Variants in ABLIM2 observed in about 807,000 individuals in gnomAD.
ABLIM2 encodes the protein actin binding LIM protein family member 2.
A neutral mutation model predicts 97.7 loss-of-function variants in ABLIM2; 53 were observed. That is an observed-to-expected ratio of 0.54 (90% confidence interval 0.44 to 0.68). The LOEUF is 0.68. Among genes scored for constraint, ABLIM2 ranks in the 30% least tolerant of loss-of-function variants. ABLIM2 has a pLI of 0.00. For synonymous variants in ABLIM2, 361 were observed against 345.8 expected (o/e 1.04, Z -0.49); for missense variants, 835 against 867.2 (o/e 0.96, Z 0.47).
chr4:8,061,996 G>T lies in ABLIM2; in HGVS notation c.676-942C>A, dbSNP rs756254201. ...GCTTTTCTCCTGCGCAGAGCCTGGT[G>T]TGGCCTCCTCTGCCAACCTCCGGGC... On this transcript the variant is annotated intron_variant, in intron 6 of 20. Coordinates refer to ENST00000447017, the MANE Select transcript of ABLIM2 (RefSeq NM_001130083.2). This position sits in a 1 kb window ranked among gnomAD's most constrained non-coding sequence, Gnocchi z 4.5. Among the ~76,000 whole-genome samples the T allele has an allele frequency of 1.1e-4, 16 of 151,984 alleles. No individual in the cohort carries two copies. The highest frequency in any genetic ancestry group is 2.4e-4 in the Non-Finnish European group (16 of 67,924).
rs1712169636 is a variant in ABLIM2 at position 8,150,216 on chromosome 4, A to T, written c.10+8464T>A. ...GCAGCATCAACTGATGTCATTTTCC[A>T]TGTGCGATCCCGGGGACACTGAGGT... On this transcript the variant is annotated intron_variant, in intron 1 of 20. Transcript: ENST00000447017. The surrounding 1 kb of genome is among the most constrained non-coding windows in gnomAD (Gnocchi z 6.3). Among the ~76,000 whole-genome samples the T allele has an allele frequency of 6.6e-6, 1 of 152,150 alleles. No homozygotes were observed. Among genetic ancestry groups the T allele is most frequent in the African/African-American group, 2.4e-5 (1 of 41,426 alleles).
intron 17 of ABLIM2, among the ~76,000 whole-genome samples, chr4:7,989,853 C>T (rs1412698405): frequency 6.6e-6 from 1 of 152,168 alleles, no homozygotes; most frequent in Non-Finnish European, 1.5e-5. Flanking sequence ...ATAACAGACA[C>T]ATGGTATGCA....
chr4:7,973,910 C>T (rs1035787543), intron 20 of ABLIM2, among the ~76,000 whole-genome samples: 9 of 152,280 alleles, frequency 5.9e-5, no homozygotes, highest in Admixed American at 4.6e-4. Flanking sequence ...GCTGCAGATG[C>T]GGCTCACACT....
intron 9 of ABLIM2, among the ~76,000 whole-genome samples, chr4:8,042,402 C>T (rs1789301162): frequency 6.6e-6 from 1 of 152,204 alleles, no homozygotes; most frequent in African/African-American, 2.4e-5. Context: ...TGCCCTATAC[C>T]TGGAGGAAGA....
At chr4:8,133,988 G>C (rs79591033) in intron 1 of ABLIM2, among the ~76,000 whole-genome samples, 7,340 of 151,746 alleles carry the variant, frequency 0.048, 328 homozygotes, top group East Asian at 0.18. Flanking sequence ...CAGGTTGCAG[G>C]GGGGGGTGAC....
At chr4:8,018,675 A>G (rs1395960066) in intron 14 of ABLIM2, among the ~76,000 whole-genome samples, 1 of 152,242 alleles carries the variant, frequency 6.6e-6, no homozygotes, top group East Asian at 1.9e-4. Context: ...CAGGAAACAC[A>G]CTTTTTATGA....
chr4:7,974,758 TATCC>T (rs1731621740), intron 20 of ABLIM2, among the ~76,000 whole-genome samples: 1 of 151,932 alleles, frequency 6.6e-6, no homozygotes, highest in Non-Finnish European at 1.5e-5. Flanking sequence ...CTCATCCATC[TATCC>T]ATCCATCTAT....
intron 7 of ABLIM2, among the ~76,000 whole-genome samples, chr4:8,056,728 C>T (rs947663972): frequency 2.0e-5 from 3 of 151,808 alleles, no homozygotes; most frequent in African/African-American, 7.2e-5. Context: ...GTCAGGAGAT[C>T]GAGACCATTC....
At chr4:8,131,532 G>T (rs566263361) in intron 1 of ABLIM2, among the ~76,000 whole-genome samples, 1 of 152,286 alleles carries the variant, frequency 6.6e-6, no homozygotes, top group African/African-American at 2.4e-5. Flanking sequence ...GAGGGCAGAT[G>T]GGACTGACAA....
intron 3 of ABLIM2, among the ~76,000 whole-genome samples, chr4:8,089,678 G>A (rs1377582546): frequency 1.4e-5 from 2 of 143,714 alleles, no homozygotes; most frequent in African/African-American, 2.6e-5. Context: ...AGGTTGCAGT[G>A]AGCCGAGATT....
intron 3 of ABLIM2, among the ~76,000 whole-genome samples, chr4:8,091,878 ATT>A (rs1491055711): frequency 2.2e-5 from 2 of 92,914 alleles, no homozygotes; most frequent in East Asian, 6.1e-4. Context: ...TACAATATAT[ATT>A]ATAATATATA....
chr4:8,004,752 T>C lies in ABLIM2; in HGVS notation c.1618+3307A>G, dbSNP rs559514081. Among the ~76,000 whole-genome samples, 1 of 152,354 alleles carries C rather than the reference T, an allele frequency of 6.6e-6. No homozygotes were observed. The highest frequency in any genetic ancestry group is 1.9e-4 in the East Asian group (1 of 5,188). ...ACATAAAATCAATAGCCTCCCTTCC[T>C]GTGCAGAAATCAGGTGCACTGATAA... is the stretch of plus-strand genomic sequence containing the variant. On this transcript the variant is annotated intron_variant, in intron 16 of 20. Coordinates refer to ENST00000447017, the MANE Select transcript of ABLIM2 (RefSeq NM_001130083.2). This position sits in a 1 kb window ranked among gnomAD's most constrained non-coding sequence, Gnocchi z 5.9.
intron 10 of ABLIM2, among the ~76,000 whole-genome samples, chr4:8,030,288 C>T (rs567044082): frequency 1.6e-4 from 25 of 152,260 alleles, no homozygotes; most frequent in African/African-American, 6.0e-4. Context: ...ACATGGCAGA[C>T]TTCATCCAAG....
chr4:8,135,429 G>A (rs887576747), intron 1 of ABLIM2, among the ~76,000 whole-genome samples: 1 of 152,204 alleles, frequency 6.6e-6, no homozygotes, highest in East Asian at 1.9e-4. Flanking sequence ...GTGTTAGGAC[G>A]TGAGGCCTTC....
rs1809505269 is a variant in ABLIM2, at chr4:8,068,427, G to A, written c.676-7373C>T. Among the ~76,000 whole-genome samples the A allele has an allele frequency of 6.6e-6, 1 of 152,148 alleles. No individual in the cohort carries two copies. The highest frequency in any genetic ancestry group is 1.5e-5 in the Non-Finnish European group (1 of 68,012). On this transcript the variant is annotated intron_variant, in intron 6 of 20. Transcript: ENST00000447017. This position sits in a 1 kb window ranked among gnomAD's most constrained non-coding sequence, Gnocchi z 4.5. ...TGGGTCAGAGGGCAGCGGTTTAAGG[G>A]ACGTCCCCACTGTGACGTGCAGAAT...
chr4:8,131,693 CCCCAGCACAGCAGCCCGCA>C (rs1175261982), intron 1 of ABLIM2, among the ~76,000 whole-genome samples: 16 of 116,068 alleles, frequency 1.4e-4, no homozygotes, highest in African/African-American at 5.6e-4. Flanking sequence ...CAGCCCGCAT[CCCCAGCACAGCAGCCCGCA>C]TCCCTGAGCA....
chr4:8,015,635 C>T lies in ABLIM2; in HGVS notation c.1423+3983G>A, dbSNP rs1768458556. ...AACGTGTGTCCCGTGGGGTCACTTCCACTGTTGGCTTTGGGTGGGCAGGAG... is the reference window on the plus strand; with the variant it reads ...AACGTGTGTCCCGTGGGGTCACTTCTACTGTTGGCTTTGGGTGGGCAGGAG... On this transcript the variant is annotated intron_variant, in intron 14 of 20. Coordinates refer to ENST00000447017, the MANE Select transcript of ABLIM2 (RefSeq NM_001130083.2). The surrounding 1 kb of genome is among the most constrained non-coding windows in gnomAD (Gnocchi z 4.6). Among the ~76,000 whole-genome samples the T allele has an allele frequency of 6.6e-6, 1 of 152,170 alleles. No individual in the cohort carries two copies. The highest frequency in any genetic ancestry group is 1.5e-5 in the Non-Finnish European group (1 of 68,044).
chr4:8,132,411 G>A lies in ABLIM2; in HGVS notation c.11-25774C>T, dbSNP rs1849562275. Among the ~76,000 whole-genome samples the A allele has an allele frequency of 6.6e-6, 1 of 152,198 alleles. No individual in the cohort carries two copies. Among genetic ancestry groups the A allele is most frequent in the Non-Finnish European group, 1.5e-5 (1 of 68,036 alleles). On this transcript the variant is annotated intron_variant, in intron 1 of 20. Transcript: ENST00000447017. This position sits in a 1 kb window ranked among gnomAD's most constrained non-coding sequence, Gnocchi z 8.0. ...GAGACTTAAAGCGAGGAAGACACCA[G>A]TGCTTTTTCAGGATTGTAAAACTTA...
At chr4:8,037,853 G>A (rs1785552064) in intron 9 of ABLIM2, among the ~76,000 whole-genome samples, 1 of 152,226 alleles carries the variant, frequency 6.6e-6, no homozygotes, top group African/African-American at 2.4e-5. Context: ...ATGAATGCGG[G>A]ACGCTGGGAG....
Sources: allele counts gnomAD v4.1 joint callset (sites outside exome capture counted in the v4.1 genomes callset), GRCh38; gene constraint gnomAD v4.1.1; non-coding constraint Gnocchi (gnomAD v3.1); transcripts MANE v1.5; gene names NCBI Gene and HGNC (gene_info 2026-07-23, HGNC 2026-07-21).